Variants in ANO7 observed in about 807,000 individuals in gnomAD.
The protein encoded by ANO7 is anoctamin 7.
A neutral mutation model predicts 115.8 loss-of-function variants in ANO7; 114 were observed. The observed-to-expected ratio is 0.98, with a 90% CI of 0.85 to 1.15. The LOEUF (loss-of-function observed/expected upper bound fraction) is 1.15, where lower values mean the gene tolerates loss of function less well. ANO7 is among the 50% of genes most tolerant of loss of function. The pLI is 0.00. For missense variants in ANO7, 1,302 were observed against 1,201.2 expected (o/e 1.08, Z -1.24); for synonymous variants, 550 against 498.2 (o/e 1.10, Z -1.38).
intron 20 of ANO7, 81 bp downstream of exon 20, chr2:241,217,972 C>T (rs1399171802): frequency 2.2e-5 from 1 of 45,646 alleles, no homozygotes; most frequent in African/African-American, 1.5e-4. Flanking sequence ...CGCGCAGGGG[C>T]GGGCCGGGGG....
In ANO7 at chr2:241,195,717, G is replaced by A. The variant is rs149691575; in HGVS notation, c.181G>A (p.Val61Ile). ...AKPRIADFVL[V>I]WEEDLKLDRQ... Reference sequence around the variant, plus strand: ...TTGGCTCCCAGCAGACTTCGTCCTCGTTTGGGAGGAGGACCTGAAGCTAGA... The same window carrying A: ...TTGGCTCCCAGCAGACTTCGTCCTCATTTGGGAGGAGGACCTGAAGCTAGA... The change falls in exon 4 of 25, where the codon GTT becomes ATT. Residue 61 changes from valine to isoleucine, a missense_variant. Coordinates refer to ENST00000674324, the MANE Select transcript of ANO7 (RefSeq NM_001370694.2). 62 of 1,614,198 alleles carry A rather than the reference G, an allele frequency of 3.8e-5. No individual in the cohort carries two copies. The highest frequency in any genetic ancestry group is 2.7e-4 in the East Asian group (12 of 44,894).
intron 7 of ANO7, 80 bp from the exon 8 acceptor site, chr2:241,202,114 C>A (rs1183152880): frequency 3.9e-6 from 5 of 1,268,454 alleles, no homozygotes; most frequent in Non-Finnish European, 5.7e-6. Flanking sequence ...TGGCCTTGGC[C>A]TAAAGACAGG....
In ANO7 at chr2:241,224,124, G is replaced by A; in HGVS notation, c.2611G>A (p.Val871Ile). 17 of 1,614,032 alleles carry A rather than the reference G, an allele frequency of 1.1e-5. No homozygotes were observed. Among genetic ancestry groups the A allele is most frequent in the Non-Finnish European group, 1.4e-5 (16 of 1,180,006 alleles). The stretch of plus-strand genomic sequence containing the variant: ...CAGCTCCCACTGGACACCCTTCACG[G>A]TTCCCAAGGCCAGCCAGCTGCAGCA... ...ELSSHWTPFT[V>I]PKASQLQQ The change falls in exon 25 of 25, where the codon GTT (valine) becomes ATT (isoleucine). Residue 871 changes from valine (V) to isoleucine (I), a missense_variant. Val to Ile is a conservative substitution (Grantham distance 29). Coordinates refer to ENST00000674324, the MANE Select transcript of ANO7 (RefSeq NM_001370694.2).
chr2:241,210,569 G>A lies in ANO7; in HGVS notation c.1560G>A (p.Trp520Ter), dbSNP rs1289750282. 1 of 1,613,368 alleles carries A rather than the reference G, an allele frequency of 6.2e-7. No homozygotes were observed. The highest frequency in any genetic ancestry group is 8.5e-7 in the Non-Finnish European group (1 of 1,179,842). ...CCCTGGCCCACGTCCTGACACGATGGGGTGAGTGGGCTGAGGCCGGCCAGG... is the reference window on the plus strand; with the variant it reads ...CCCTGGCCCACGTCCTGACACGATGAGGTGAGTGGGCTGAGGCCGGCCAGG... Reference protein sequence around the residue: ...YVSLAHVLTRWEMHRTQTKFE... With the variant: ...YVSLAHVLTR Residue 520 changes from tryptophan to a stop codon, truncating the protein, a stop_gained and splice_region_variant, in exon 15 of 25, where the codon TGG becomes TGA. Coordinates refer to ENST00000674324, the MANE Select transcript of ANO7 (RefSeq NM_001370694.2). LOFTEE classifies it high-confidence loss of function.
chr2:241,207,427 AT>A (rs1039239762), intron 10 of ANO7, 146 bp from the exon 11 acceptor site: 23 of 618,458 alleles, frequency 3.7e-5, no homozygotes, highest in Non-Finnish European at 4.6e-5. Context: ...TAAAACAACT[AT>A]TTTTTTTAAG....
rs905510148 is a variant in ANO7, at chr2:241,198,632, A to G, written c.310-684A>G. Among the ~76,000 whole-genome samples, 4 of 152,238 alleles carry G rather than the reference A, an allele frequency of 2.6e-5. No homozygotes were observed. In the East Asian group the frequency reaches 7.7e-4, roughly 29 times the overall value. On this transcript the variant is annotated intron_variant, in intron 4 of 24. Transcript: ENST00000674324. ...CCTTGACTCTGTTCCACTTCGCCCA[A>G]GGTGGGGCCGGGACTTTGGCACTTA...
Position 241,200,328 on chromosome 2 carries a change from G to C in ANO7, c.554+103G>C, listed in dbSNP as rs1034846339. 2.9e-5 allele frequency: 43 copies of C among 1,458,126 alleles called. No homozygotes were observed. In the South Asian group the frequency reaches 4.6e-4, roughly 16 times the overall value. The allele number at this position is 1,458,126 out of a possible 1,614,324, so 90.3% of individuals were successfully genotyped here. ...GCTTCCCCAGGACTCTCCTCACCTG[G>C]AGTTTTCGGCAGGGAATCTGAGGCC... On this transcript the variant is annotated intron_variant, in intron 6 of 24. Transcript: ENST00000674324.
At chr2:241,237,197 A>G in the ANO7 span, among the ~76,000 whole-genome samples, 1 of 152,172 alleles carries the variant, frequency 6.6e-6, no homozygotes, top group Admixed American at 6.5e-5. Flanking sequence ...GCCAGCACGC[A>G]GCCCCACCCA....
Position 241,223,679 on chromosome 2 carries a change from T to A in ANO7, c.2430T>A (p.Val810=). 1 of 1,613,430 alleles carries A rather than the reference T, an allele frequency of 6.2e-7. No individual in the cohort carries two copies. Among genetic ancestry groups the A allele is most frequent in the Non-Finnish European group, 8.5e-7 (1 of 1,179,652 alleles). The part of the protein sequence containing the change: ...VIVFEHVVFS[V]GRLLDLLVPD... The stretch of plus-strand genomic sequence containing the variant: ...GCTCCCAGCATGTGGTTTTCTCCGT[T>A]GGCCGCCTCCTGGACCTCCTGGTGC... Residue 810 remains valine (V), a synonymous_variant, in exon 23 of 25, where the codon GTT becomes GTA. Coordinates refer to ENST00000674324, the MANE Select transcript of ANO7 (RefSeq NM_001370694.2).
intron 21 of ANO7, among the ~76,000 whole-genome samples, chr2:241,222,312 G>GA (rs1391478754): frequency 2.0e-5 from 3 of 152,098 alleles, no homozygotes; most frequent in African/African-American, 7.2e-5. Context: ...GCGCCCGGCT[G>GA]AAAGAGTTAC....
At chr2:241,236,191 G>A in the ANO7 span, 1 of 218,006 alleles carries the variant, frequency 4.6e-6, no homozygotes, top group Non-Finnish European at 9.1e-6. Flanking sequence ...CTGTGGCACC[G>A]CAGCACTGAG....
intron 7 of ANO7, among the ~76,000 whole-genome samples, 175 bp from the exon 8 acceptor site, chr2:241,202,019 C>T (rs917231233): frequency 6.6e-6 from 1 of 152,240 alleles, no homozygotes; most frequent in African/African-American, 2.4e-5. Context: ...GGGCGTCCTG[C>T]ATGTGCATGT....
At chr2:241,233,867 C>T in the ANO7 span, 1 of 1,614,196 alleles carries the variant, frequency 6.2e-7, no homozygotes, top group East Asian at 2.2e-5. The surrounding 1 kb of genome is among the most constrained non-coding windows in gnomAD (Gnocchi z 4.3). Context: ...ACGTCATGCT[C>T]CAACCGGATT....
the ANO7 span, among the ~76,000 whole-genome samples, chr2:241,237,629 G>A: frequency 9.9e-5 from 15 of 152,200 alleles, no homozygotes; most frequent in Admixed American, 5.2e-4. Flanking sequence ...ATCCGATTCC[G>A]ATAAATGTGC....
chr2:241,223,813 C>G, intron 23 of ANO7, 32 bp downstream of exon 23: 2 of 1,614,198 alleles, frequency 1.2e-6, no homozygotes, highest in Non-Finnish European at 1.7e-6. Flanking sequence ...CGGCCCTCCC[C>G]CCAGCCCTCT....
intron 10 of ANO7, 111 bp from the exon 11 acceptor site, chr2:241,207,463 T>C (rs1447187497): frequency 3.9e-6 from 3 of 771,042 alleles, no homozygotes; most frequent in African/African-American, 1.7e-5. Flanking sequence ...GCAAAGGCAG[T>C]GGTGGACAGA....
In ANO7 at chr2:241,221,262, G is replaced by C. The variant is rs146189861; in HGVS notation, c.2322-1924G>C. Among the ~76,000 whole-genome samples, 161 of 151,792 alleles carry C rather than the reference G, an allele frequency of 1.1e-3. 2 individuals are homozygous for C. The East Asian group carries it at 0.031, about 29-fold the overall frequency. ...AGCTAATTTTTGTATATTTAGTAGA[G>C]ATGAGGTTTCACCATGTGGGCAAAG... On this transcript the variant is annotated intron_variant, in intron 21 of 24. Coordinates refer to ENST00000674324, the MANE Select transcript of ANO7 (RefSeq NM_001370694.2).
chr2:241,202,002 G>A (rs372109367), intron 7 of ANO7, among the ~76,000 whole-genome samples, 192 bp from the exon 8 acceptor site: 1 of 152,246 alleles, frequency 6.6e-6, no homozygotes. Flanking sequence ...GCACTACCCT[G>A]GCACAGGGGC....
chr2:241,238,609 C>T, the ANO7 span: 2 of 1,441,670 alleles, frequency 1.4e-6, no homozygotes, highest in East Asian at 2.5e-5. The surrounding 1 kb of genome is among the most constrained non-coding windows in gnomAD (Gnocchi z 4.9). Flanking sequence ...ATGGGAGGCG[C>T]CACTATTAAC....
Sources: gnomAD v4.1 joint callset for allele counts (sites outside exome capture counted in the v4.1 genomes callset) on GRCh38, gnomAD v4.1.1 for gene constraint, Gnocchi (gnomAD v3.1) non-coding constraint, MANE v1.5 for transcripts, NCBI Gene and HGNC (gene_info 2026-07-23, HGNC 2026-07-21) for gene names.